The following NAIP variants were observed in gnomAD, a reference collection of about 807,000 sequenced individuals.
NAIP encodes the protein baculoviral IAP repeat-containing protein 1.
Under a neutral mutation model 23.0 loss-of-function variants are expected in NAIP, and 15 were observed. The observed-to-expected ratio is 0.65, with a 90% CI of 0.44 to 1.00. The LOEUF (loss-of-function observed/expected upper bound fraction) is 1.00, where lower values mean the gene tolerates loss of function less well. NAIP is among the 50% of genes least tolerant of loss of function. The pLI is 0.00. For missense variants in NAIP, 265 were observed against 278.8 expected, an observed-to-expected ratio of 0.95 and a Z score of 0.35; for synonymous variants, 100 against 100.2, an observed-to-expected ratio of 1.00 and a Z score of 0.01.
chr5:71,010,728 T>G (rs1457990025), intron 5 of NAIP, among the ~76,000 whole-genome samples: 1 of 151,460 alleles, frequency 6.6e-6, no homozygotes, highest in Non-Finnish European at 1.5e-5. Flanking sequence ...ATCATGAAAC[T>G]TCTACTGGGC....
intron 12 of NAIP, among the ~76,000 whole-genome samples, chr5:70,980,889 ATAAAG>A (rs1246957374): frequency 9.5e-5 from 8 of 84,270 alleles, no homozygotes; most frequent in Non-Finnish European, 1.5e-4. Context: ...GACATTATAA[ATAAAG>A]TAAAATGACA....
intron 3 of NAIP, among the ~76,000 whole-genome samples, chr5:71,016,096 T>G (rs1489122363): frequency 6.7e-6 from 1 of 149,362 alleles, no homozygotes; most frequent in African/African-American, 2.5e-5. Flanking sequence ...CTGGGCAACA[T>G]AGCTAGACCC....
intron 6 of NAIP, among the ~76,000 whole-genome samples, chr5:71,002,447 C>T (rs1404317652): frequency 2.9e-5 from 4 of 140,088 alleles, no homozygotes; most frequent in South Asian, 2.2e-4. Flanking sequence ...CTCGCTCTGT[C>T]GTCCAGGCTG....
intron 3 of NAIP, among the ~76,000 whole-genome samples, chr5:71,013,666 C>T (rs1480275073): frequency 2.0e-5 from 3 of 148,372 alleles, no homozygotes; most frequent in Admixed American, 6.7e-5. Flanking sequence ...AAAAGAAGCT[C>T]AGTAACAGGC....
chr5:71,011,332 A>C lies in NAIP; in HGVS notation c.611T>G (p.Leu204Ter). The change falls in exon 5 of 17, where the codon TTA becomes TGA. Residue 204 changes from leucine to a stop codon, truncating the protein, a stop_gained. Transcript: ENST00000517649. LOFTEE classifies it high-confidence loss of function. ...ATCATCTCCTTCTTCCCAATTTCCT[A>C]AACATCCACCACAGGAAAAACACTG... ...TVQCFSCGGC[L>*]GNWEEGDDPW... 1 of 1,606,818 alleles carries C rather than the reference A, an allele frequency of 6.2e-7. No homozygotes were observed. The highest frequency in any genetic ancestry group is 8.5e-7 in the Non-Finnish European group (1 of 1,175,950).
intron 3 of NAIP, among the ~76,000 whole-genome samples, chr5:71,014,524 G>A (rs548463176): frequency 2.0e-5 from 3 of 151,744 alleles, no homozygotes; most frequent in East Asian, 3.9e-4. Context: ...CCTCCCTGGT[G>A]GTTATATGAT....
At chr5:71,013,532 C>T (rs1751270520) in intron 3 of NAIP, among the ~76,000 whole-genome samples, 1 of 148,818 alleles carries the variant, frequency 6.7e-6, no homozygotes, top group Non-Finnish European at 1.5e-5. Flanking sequence ...CCCAGCTACT[C>T]GGGAGGCTGA....
chr5:71,009,224 A>G (rs1047734128), intron 5 of NAIP, among the ~76,000 whole-genome samples: 1 of 145,686 alleles, frequency 6.9e-6, no homozygotes, highest in Non-Finnish European at 1.5e-5. Flanking sequence ...GGTGGTAGGC[A>G]CCTGTGGTCC....
chr5:71,000,533 AATAATAATAATAATT>A (rs1750771043), intron 8 of NAIP, among the ~76,000 whole-genome samples: 1 of 126,516 alleles, frequency 7.9e-6, no homozygotes, highest in African/African-American at 3.5e-5. Context: ...TAATAATAAT[AATAATAATAATAATT>A]ATTATTATTA....
rs575280084 is a variant in NAIP at position 71,010,121 on chromosome 5, T to A, written c.668+1154A>T. Among the ~76,000 whole-genome samples the A allele has an allele frequency of 1.2e-4, 18 of 151,710 alleles. No homozygotes were observed. In the South Asian group the frequency reaches 3.6e-3, roughly 30 times the overall value. ...AAATTATTATTACTTATTTAATTAGTTTTAGAGACAGGGTCTCACTCTGTC... is the reference window on the plus strand; with the variant it reads ...AAATTATTATTACTTATTTAATTAGATTTAGAGACAGGGTCTCACTCTGTC... On this transcript the variant is annotated intron_variant, in intron 5 of 16. Transcript: ENST00000517649.
At chr5:71,009,357 A>T (rs1751034233) in intron 5 of NAIP, among the ~76,000 whole-genome samples, 2 of 97,618 alleles carry the variant, frequency 2.0e-5, no homozygotes, top group Admixed American at 2.3e-4. Context: ...AGCAAAACTC[A>T]CTCTCAAAAA....
rs754172182 is a variant in NAIP at position 71,012,332 on chromosome 5, A to G, written c.568+16T>C. The G allele has an allele frequency of 2.6e-6, 4 of 1,564,172 alleles. No homozygotes were observed. The highest frequency in any genetic ancestry group is 3.5e-6 in the Non-Finnish European group (4 of 1,153,110). On this transcript the variant is annotated intron_variant, in intron 4 of 16. Coordinates refer to ENST00000517649, the MANE Select transcript of NAIP (RefSeq NM_004536.3). The stretch of plus-strand genomic sequence containing the variant: ...AAAACGCCAGAGAAACACTTCAGAG[A>G]ATAATTTCAAGGTACCTGTAAAGAC...
chr5:71,012,406 T>C lies in NAIP; in HGVS notation c.510A>G (p.Pro170=). The C allele has an allele frequency of 1.9e-6, 3 of 1,611,728 alleles. No individual in the cohort carries two copies. The highest frequency in any genetic ancestry group is 2.5e-6 in the Non-Finnish European group (3 of 1,178,408). The change falls in exon 4 of 17, where the codon CCA becomes CCG. Residue 170 remains proline, a synonymous_variant. Coordinates refer to ENST00000517649, the MANE Select transcript of NAIP (RefSeq NM_004536.3). ...EARLASFRNW[P]FYVQGISPCV... is the part of the protein sequence containing the mutation. ...AAGGGGATATCCCTTGGACATAAAATGGCCAGTTCCTGAAGGACGCAAGTC... is the reference window on the plus strand; with the variant it reads ...AAGGGGATATCCCTTGGACATAAAACGGCCAGTTCCTGAAGGACGCAAGTC...
rs1751193741 is a variant in NAIP at position 71,012,241 on chromosome 5, C to A, written c.568+107G>T. 2.0e-5 allele frequency: 19 copies of A among 966,918 alleles called. 1 individual carries two copies. In the East Asian group the frequency reaches 4.9e-4, roughly 25 times the overall value. 59.9% of individuals were successfully genotyped at this position (966,918 alleles called of 1,614,324 possible). ...ACTAGACCTTATACCTAATATAACA[C>A]ATTTAACCAGTGAAGAAAGTTTAGC... On this transcript the variant is annotated intron_variant, in intron 4 of 16. Coordinates refer to ENST00000517649, the MANE Select transcript of NAIP (RefSeq NM_004536.3).
At chr5:71,002,324 A>G (rs1342838585) in intron 6 of NAIP, among the ~76,000 whole-genome samples, 181 bp from the exon 7 acceptor site, 3 of 114,878 alleles carry the variant, frequency 2.6e-5, no homozygotes, top group African/African-American at 9.4e-5. Context: ...CGAGCAGTAC[A>G]GGCATGTGCC....
intron 3 of NAIP, among the ~76,000 whole-genome samples, chr5:71,014,448 A>G (rs1751341171): frequency 6.6e-6 from 1 of 151,578 alleles, no homozygotes; most frequent in Non-Finnish European, 1.5e-5. Context: ...CACCCAGCCT[A>G]GCCCAAGTAA....
rs1222506915 is a variant in NAIP, at chr5:70,996,792, CAAAAAAA to C, written c.1022+1925_1022+1931del. Among the ~76,000 whole-genome samples, 16 of 64,542 alleles carry C rather than the reference CAAAAAAA, an allele frequency of 2.5e-4. No individual in the cohort carries two copies. In the South Asian group the frequency reaches 4.7e-3, roughly 19 times the overall value. The allele number at this position is 64,542 out of a possible 152,430, so 42.3% of individuals were successfully genotyped here. A position where few individuals can be genotyped will look rare whatever the true frequency, so the allele number is the denominator to read the frequency against. The stretch of plus-strand genomic sequence containing the variant: ...TGGGCGACAAAGTGAGACTCCATCT[CAAAAAAA>C]AAAAAAAAAAAAAATTAAGCAGATG... On this transcript the variant is annotated intron_variant, in intron 9 of 16. Transcript: ENST00000517649.
intron 4 of NAIP, 48 bp from the exon 5 acceptor site, chr5:71,011,422 G>A (rs1418536025): frequency 2.1e-6 from 3 of 1,413,874 alleles, no homozygotes; most frequent in Non-Finnish European, 2.0e-6. Flanking sequence ...GGCACCAGGG[G>A]GTATGTACAC....
At chr5:71,011,818 T>A (rs572806233) in intron 4 of NAIP, 1 of 425,602 alleles carries the variant, frequency 2.3e-6, no homozygotes, top group Non-Finnish European at 4.7e-6. Flanking sequence ...GGTAAATTCA[T>A]TGGATAAGAA....
Sources: gnomAD v4.1 joint callset for allele counts (sites outside exome capture counted in the v4.1 genomes callset) on GRCh38, gnomAD v4.1.1 for gene constraint, MANE v1.5 for transcripts, NCBI Gene and HGNC (gene_info 2026-07-23, HGNC 2026-07-21) for gene names.